The following PDE10A variants were observed in gnomAD, a reference collection of about 807,000 sequenced individuals.
The protein encoded by PDE10A is phosphodiesterase 10A.
A neutral mutation model predicts 97.7 loss-of-function variants in PDE10A; 39 were observed. The observed-to-expected ratio is 0.40, with a 90% confidence interval of 0.31 to 0.52. The LOEUF is 0.52. Ranked by LOEUF, PDE10A falls within the 20% of genes least tolerant of loss-of-function variation. PDE10A has a pLI of 0.56. For missense variants in PDE10A, 731 were observed against 1,047.8 expected (o/e 0.70, Z 4.17); for synonymous variants, 371 against 376.8 (o/e 0.98, Z 0.18).
chr6:165,971,222 A>G (rs1448368931), intron 1 of PDE10A, among the ~76,000 whole-genome samples: 1 of 152,104 alleles, frequency 6.6e-6, no homozygotes, highest in Non-Finnish European at 1.5e-5. Context: ...TTTTTTTTAA[A>G]TGGCACAGAA....
intron 1 of PDE10A, among the ~76,000 whole-genome samples, chr6:165,765,835 C>T (rs367876872): frequency 7.2e-5 from 11 of 152,116 alleles, no homozygotes; most frequent in African/African-American, 2.4e-4. Context: ...ACTGCCAGCC[C>T]GCTGTCACCT....
intron 1 of PDE10A, among the ~76,000 whole-genome samples, chr6:165,571,335 C>G (rs1014222584): frequency 1.3e-5 from 2 of 152,140 alleles, no homozygotes; most frequent in Admixed American, 6.5e-5. Flanking sequence ...GAAGCAAACA[C>G]CATGAAATTC....
chr6:165,370,295 A>T (rs1316857260), intron 18 of PDE10A, among the ~76,000 whole-genome samples: 2 of 149,048 alleles, frequency 1.3e-5, no homozygotes, highest in East Asian at 3.9e-4. Flanking sequence ...AATTGGATAA[A>T]GAGTCAAGAC....
intron 1 of PDE10A, among the ~76,000 whole-genome samples, chr6:165,902,728 T>G (rs1474476563): frequency 6.6e-6 from 1 of 152,130 alleles, no homozygotes; most frequent in Non-Finnish European, 1.5e-5. Flanking sequence ...CAGTGGAATG[T>G]CAGTGGAGGT....
At chr6:165,684,452 C>T (rs1467487406) in intron 1 of PDE10A, among the ~76,000 whole-genome samples, 1 of 152,246 alleles carries the variant, frequency 6.6e-6, no homozygotes, top group Admixed American at 6.5e-5. Flanking sequence ...CACAATGAAG[C>T]CGCCATCTCC....
chr6:165,709,826 A>C (rs557844011), intron 1 of PDE10A, among the ~76,000 whole-genome samples: 83 of 149,310 alleles, frequency 5.6e-4, no homozygotes, highest in South Asian at 2.0e-3. Context: ...TCCCTTTCAC[A>C]GAAGACTGAG....
chr6:165,632,985 T>C (rs1406520341), intron 1 of PDE10A, among the ~76,000 whole-genome samples: 4 of 151,774 alleles, frequency 2.6e-5, no homozygotes, highest in African/African-American at 9.7e-5. Flanking sequence ...ATCACCTGTG[T>C]ATTTTTCAGC....
At chr6:165,691,853 T>C (rs1387403843) in intron 1 of PDE10A, among the ~76,000 whole-genome samples, 4 of 152,246 alleles carry the variant, frequency 2.6e-5, no homozygotes, top group Admixed American at 2.6e-4. Context: ...GTGGAAGTGC[T>C]GGTCCTGTTA....
At chr6:165,633,781 C>A (rs1054810578) in intron 1 of PDE10A, among the ~76,000 whole-genome samples, 1 of 122,590 alleles carries the variant, frequency 8.2e-6, no homozygotes, top group Non-Finnish European at 1.7e-5. Context: ...GTGTGCACCA[C>A]CACGCCGGGC....
intron 1 of PDE10A, among the ~76,000 whole-genome samples, chr6:165,975,088 G>A (rs779940914): frequency 3.3e-5 from 5 of 152,206 alleles, no homozygotes; most frequent in Admixed American, 6.5e-5. Context: ...GACCCTGGAG[G>A]TGGCTGCTTT....
chr6:165,727,105 C>G (rs1037516370), intron 1 of PDE10A, among the ~76,000 whole-genome samples: 5 of 152,214 alleles, frequency 3.3e-5, no homozygotes, highest in Non-Finnish European at 7.3e-5. Flanking sequence ...TGGTTCCCCA[C>G]TGTGCGTTTA....
chr6:165,447,412 C>T (rs753889800), intron 5 of PDE10A, among the ~76,000 whole-genome samples: 6 of 152,182 alleles, frequency 3.9e-5, no homozygotes, highest in South Asian at 2.1e-4. Flanking sequence ...ATGTCCACCC[C>T]GATCTGAACT....
At chr6:165,783,414 A>C (rs1420577745) in intron 1 of PDE10A, among the ~76,000 whole-genome samples, 5 of 152,238 alleles carry the variant, frequency 3.3e-5, no homozygotes, top group African/African-American at 1.2e-4. Context: ...GTTTTTACCC[A>C]TTCATACCAT....
intron 1 of PDE10A, among the ~76,000 whole-genome samples, chr6:165,830,652 T>C (rs1462260426): frequency 5.3e-5 from 8 of 152,186 alleles, no homozygotes; most frequent in Admixed American, 4.6e-4. Context: ...CAGGTCCTGT[T>C]TGTGTTTATG....
At chr6:165,444,283 G>A (rs1337641589) in intron 5 of PDE10A, among the ~76,000 whole-genome samples, 2 of 152,014 alleles carry the variant, frequency 1.3e-5, no homozygotes, top group African/African-American at 4.8e-5. Flanking sequence ...AGTCATTATA[G>A]GAATCCCATG....
rs75951654 is a variant in PDE10A at position 165,688,369 on chromosome 6, G to A, written c.-614-144801C>T. On this transcript the variant is annotated intron_variant, in intron 1 of 19. Coordinates refer to the PDE10A transcript ENST00000366882. ...TTCACTTGAACCTAATTTCAAATCC[G>A]AAGGTTCATCTCCACCCCTTCTAAT... 3.2e-3 allele frequency among the ~76,000 whole-genome samples: 487 copies of A among 152,254 alleles called. 3 individuals are homozygous for A. The highest frequency in any genetic ancestry group is 0.011 in the African/African-American group (460 of 41,544).
At chr6:165,570,190 C>G (rs142966810) in intron 1 of PDE10A, among the ~76,000 whole-genome samples, 2,050 of 152,204 alleles carry the variant, frequency 0.013, 44 homozygotes, top group African/African-American at 0.047. Context: ...CAAACTAATG[C>G]TCTCCTTTCT....
At chr6:165,488,460 G>A (rs901424753) in intron 2 of PDE10A, among the ~76,000 whole-genome samples, 2 of 152,106 alleles carry the variant, frequency 1.3e-5, no homozygotes, top group African/African-American at 4.8e-5. Flanking sequence ...TCAAAATCTG[G>A]GAAAATGGTG....
intron 1 of PDE10A, among the ~76,000 whole-genome samples, chr6:165,741,817 T>C (rs563723243): frequency 2.9e-4 from 44 of 152,302 alleles, no homozygotes; most frequent in Non-Finnish European, 4.7e-4. Context: ...ATTTACTTTA[T>C]GAAAAAAATC....
Sources: gnomAD v4.1 joint callset for allele counts (sites outside exome capture counted in the v4.1 genomes callset) on GRCh38, gnomAD v4.1.1 for gene constraint, MANE v1.5 for transcripts, NCBI Gene and HGNC (gene_info 2026-07-23, HGNC 2026-07-21) for gene names.